Variants in MCC observed in about 807,000 individuals in gnomAD.
MCC encodes the protein MCC regulator of Wnt signaling pathway, also known as colorectal mutant cancer protein.
In MCC, 90 loss-of-function variants were observed where a neutral mutation model predicts 116.2. That is an observed-to-expected ratio of 0.77 (90% CI 0.65 to 0.92). The LOEUF (loss-of-function observed/expected upper bound fraction) is 0.92. MCC is among the 40% of genes least tolerant of loss of function. MCC has a pLI of 0.00. For synonymous variants in MCC, 578 were observed against 510.5 expected, an observed-to-expected ratio of 1.13 and a Z score of -1.78; for missense variants, 1,516 against 1,312.2, an observed-to-expected ratio of 1.16 and a Z score of -2.40.
chr5:113,257,182 TG>T (rs1418258083), intron 3 of MCC, among the ~76,000 whole-genome samples: 3 of 152,176 alleles, frequency 2.0e-5, no homozygotes, highest in Non-Finnish European at 4.4e-5. Context: ...TTAAGGTCCA[TG>T]GGCTTTTGGC....
At chr5:113,480,402 C>T (rs1443096759) in intron 1 of MCC, among the ~76,000 whole-genome samples, 1 of 152,212 alleles carries the variant, frequency 6.6e-6, no homozygotes, top group East Asian at 1.9e-4. Flanking sequence ...CTAAGATGCA[C>T]AGTTTAACAT....
intron 3 of MCC, among the ~76,000 whole-genome samples, chr5:113,209,154 G>A (rs771614243): frequency 1.6e-4 from 24 of 152,148 alleles, no homozygotes; most frequent in Admixed American, 6.5e-4. Context: ...GGGTTCTCCC[G>A]AGAGGCTCTT....
At chr5:113,152,386 T>C (rs1184281215) in intron 3 of MCC, among the ~76,000 whole-genome samples, 1 of 152,168 alleles carries the variant, frequency 6.6e-6, no homozygotes, top group Non-Finnish European at 1.5e-5. Flanking sequence ...CCTTGAAACT[T>C]TCCATTCCAG....
At position 113,488,372 on chromosome 5, in the gene MCC, T is replaced by C. The variant is rs201571604; in HGVS notation, c.43A>G (p.Ser15Gly). 0.012 allele frequency: 15,243 copies of C among 1,292,536 alleles called. 74 individuals carry two copies. The highest frequency in any genetic ancestry group is 0.014 in the Non-Finnish European group (13,562 of 967,332). 80.1% of individuals were successfully genotyped at this position (1,292,536 alleles called of 1,614,324 possible). The change falls in exon 1 of 19, where the codon AGC becomes GGC. Residue 15 changes from serine (S) to glycine (G), a missense_variant. Transcript: ENST00000408903. ...CCGCTGCCGCCGCCGCCGCCGCCGC[T>C]GCTGGAGCTCCCCGCAGCCGCTGCC... is the stretch of plus-strand genomic sequence containing the variant. ...AAAAAAGSSS[S>G]GGGGGGSGSS... is the part of the protein sequence containing the mutation.
intron 5 of MCC, among the ~76,000 whole-genome samples, chr5:113,130,553 T>C (rs1019645731): frequency 6.6e-6 from 1 of 152,176 alleles, no homozygotes; most frequent in Non-Finnish European, 1.5e-5. Flanking sequence ...CCAACTCTCA[T>C]GTAGAAATTT....
At chr5:113,069,928 C>T (rs1452054154) in intron 12 of MCC, among the ~76,000 whole-genome samples, 2 of 152,210 alleles carry the variant, frequency 1.3e-5, no homozygotes, top group African/African-American at 4.8e-5. Flanking sequence ...AGAGTTAAGA[C>T]AAAGGGCTGA....
At chr5:113,140,860 A>G (rs1054912021) in intron 5 of MCC, among the ~76,000 whole-genome samples, 6 of 152,178 alleles carry the variant, frequency 3.9e-5, no homozygotes, top group Admixed American at 2.0e-4. Context: ...CCTAGTTCCT[A>G]CTGCATTTGG....
rs369484881 is a variant in MCC, at chr5:113,125,172, G to A, written c.885-2346C>T. ...AAAAGGAAAATATATTGCACCGGAGGATGCAAATAATCAGGGTTAGATGGA... is the reference window on the plus strand; with the variant it reads ...AAAAGGAAAATATATTGCACCGGAGAATGCAAATAATCAGGGTTAGATGGA... On this transcript the variant is annotated intron_variant, in intron 5 of 18. Transcript: ENST00000408903. Among the ~76,000 whole-genome samples, 39 of 152,310 alleles carry A rather than the reference G, an allele frequency of 2.6e-4. No individual in the cohort carries two copies. The South Asian group carries it at 7.5e-3, about 29-fold the overall frequency.
At chr5:113,320,479 G>A (rs1029648305) in intron 3 of MCC, among the ~76,000 whole-genome samples, 3 of 145,768 alleles carry the variant, frequency 2.1e-5, no homozygotes, top group Admixed American at 2.1e-4. Context: ...CTGTTTAAAT[G>A]TCATCTTGGG....
intron 3 of MCC, among the ~76,000 whole-genome samples, chr5:113,165,349 C>T (rs955049260): frequency 2.0e-5 from 3 of 152,200 alleles, no homozygotes; most frequent in Non-Finnish European, 2.9e-5. Context: ...TATAAAAAGC[C>T]TCCCTGTTTC....
chr5:113,174,470 G>A (rs941658129), intron 3 of MCC, among the ~76,000 whole-genome samples: 5 of 152,044 alleles, frequency 3.3e-5, no homozygotes, highest in African/African-American at 1.2e-4. Flanking sequence ...AAAACTAAAC[G>A]AACACATTAA....
chr5:113,193,617 T>C (rs890918339), intron 3 of MCC, among the ~76,000 whole-genome samples: 2 of 152,202 alleles, frequency 1.3e-5, no homozygotes, highest in African/African-American at 4.8e-5. Context: ...CTTCACTCAT[T>C]GTTACAAATT....
intron 3 of MCC, among the ~76,000 whole-genome samples, chr5:113,215,572 G>C (rs1172549589): frequency 6.6e-6 from 1 of 152,098 alleles, no homozygotes. Flanking sequence ...GGGCTGGCGG[G>C]GGAGGGCGGT....
chr5:113,478,812 G>A (rs1037488770), intron 1 of MCC, among the ~76,000 whole-genome samples: 3 of 152,174 alleles, frequency 2.0e-5, no homozygotes, highest in African/African-American at 7.2e-5. Context: ...CAGTCTCACA[G>A]AGAGTCCTTC....
At chr5:113,039,463 G>T (rs545782032) in intron 17 of MCC, among the ~76,000 whole-genome samples, 2 of 152,114 alleles carry the variant, frequency 1.3e-5, no homozygotes, top group African/African-American at 4.8e-5. Flanking sequence ...TTTGCCTTTC[G>T]CACTGACAGA....
At chr5:113,285,620 T>C (rs566667779) in intron 3 of MCC, among the ~76,000 whole-genome samples, 1 of 152,144 alleles carries the variant, frequency 6.6e-6, no homozygotes, top group African/African-American at 2.4e-5. Flanking sequence ...GAAATGATTG[T>C]CCCCCATCTT....
At chr5:113,418,143 T>C (rs954175139) in intron 1 of MCC, among the ~76,000 whole-genome samples, 2 of 152,064 alleles carry the variant, frequency 1.3e-5, no homozygotes, top group Admixed American at 1.3e-4. Context: ...TCCCTTCTAT[T>C]TGATAGAGGC....
intron 3 of MCC, among the ~76,000 whole-genome samples, chr5:113,313,932 C>T (rs560396070): frequency 2.4e-4 from 36 of 152,176 alleles, no homozygotes; most frequent in African/African-American, 5.8e-4. Flanking sequence ...GTGATCCTCC[C>T]GCTTCGGCCT....
intron 8 of MCC, among the ~76,000 whole-genome samples, chr5:113,090,405 G>A (rs1755525596): frequency 1.3e-5 from 2 of 151,136 alleles, no homozygotes; most frequent in African/African-American, 2.4e-5. Context: ...GCTCAGTTGA[G>A]CTCTCTTTGA....
Sources: gnomAD v4.1 joint callset for allele counts (sites outside exome capture counted in the v4.1 genomes callset) on GRCh38, gnomAD v4.1.1 for gene constraint, MANE v1.5 for transcripts, NCBI Gene and HGNC (gene_info 2026-07-23, HGNC 2026-07-21) for gene names.